Variants in SOX5 observed in about 807,000 individuals in gnomAD.
The protein encoded by SOX5 is SRY-box transcription factor 5.
Under a neutral mutation model 92.0 loss-of-function variants are expected in SOX5, and 9 were observed. The ratio of observed to expected loss-of-function variants is 0.10; its 90% CI spans 0.06 to 0.17. The LOEUF (loss-of-function observed/expected upper bound fraction) is 0.17. Ranked by LOEUF, SOX5 falls within the 10% of genes least tolerant of loss-of-function variation. The pLI, the probability that SOX5 is intolerant of heterozygous loss-of-function variation, is 1.00. For missense variants in SOX5, 642 were observed against 944.5 expected (o/e 0.68, Z 4.20); for synonymous variants, 344 against 336.3 (o/e 1.02, Z -0.25).
At chr12:24,006,175 C>T (rs977804077) in intron 4 of SOX5, among the ~76,000 whole-genome samples, 1 of 152,062 alleles carries the variant, frequency 6.6e-6, no homozygotes, top group Admixed American at 6.6e-5. Context: ...CTCTTATGCA[C>T]ATAAAGAAGG....
At chr12:24,209,645 T>C (rs1958379520) in intron 4 of SOX5, among the ~76,000 whole-genome samples, 1 of 152,160 alleles carries the variant, frequency 6.6e-6, no homozygotes, top group South Asian at 2.1e-4. Flanking sequence ...AGATTGCTAG[T>C]AGAAGGCACT....
intron 2 of SOX5, among the ~76,000 whole-genome samples, chr12:24,337,628 C>A (rs1413865905): frequency 6.6e-6 from 1 of 152,170 alleles, no homozygotes; most frequent in East Asian, 1.9e-4. Flanking sequence ...GCATGAGTCA[C>A]CACACACTCG....
chr12:24,492,151 C>T (rs889365603), intron 1 of SOX5, among the ~76,000 whole-genome samples: 11 of 152,216 alleles, frequency 7.2e-5, no homozygotes, highest in South Asian at 4.1e-4. Context: ...CCTTCATATT[C>T]GCCTGTTAGC....
At chr12:24,361,694 G>A (rs1195023970) in intron 2 of SOX5, among the ~76,000 whole-genome samples, 1 of 152,062 alleles carries the variant, frequency 6.6e-6, no homozygotes, top group Admixed American at 6.6e-5. Flanking sequence ...TACAGGTCTT[G>A]CATTTAAATT....
intron 6 of SOX5, among the ~76,000 whole-genome samples, chr12:23,712,313 G>A (rs536247781): frequency 6.6e-6 from 1 of 152,306 alleles, no homozygotes; most frequent in East Asian, 1.9e-4. Flanking sequence ...AAGAGTAATG[G>A]AAAACATGTA....
At chr12:24,540,188 T>C (rs188485874) in intron 1 of SOX5, among the ~76,000 whole-genome samples, 23 of 152,274 alleles carry the variant, frequency 1.5e-4, no homozygotes, top group Admixed American at 4.6e-4. Flanking sequence ...GGATTAGCAT[T>C]GTAGTTACTT....
At chr12:23,814,617 G>A (rs138435736) in intron 3 of SOX5, among the ~76,000 whole-genome samples, 7 of 152,286 alleles carry the variant, frequency 4.6e-5, no homozygotes, top group Non-Finnish European at 8.8e-5. Context: ...ATTACTGGAA[G>A]CATTTTTTGT....
chr12:23,865,601 G>A (rs2096802498), intron 2 of SOX5, among the ~76,000 whole-genome samples: 1 of 151,004 alleles, frequency 6.6e-6, no homozygotes, highest in African/African-American at 2.4e-5. Context: ...CTTGAACCCG[G>A]GAGGCGGAGG....
chr12:24,391,452 A>G (rs1596221858), intron 1 of SOX5, among the ~76,000 whole-genome samples: 1 of 152,162 alleles, frequency 6.6e-6, no homozygotes, highest in African/African-American at 2.4e-5. Flanking sequence ...AACTTCTTTC[A>G]TAGAAGTTCT....
intron 7 of SOX5, among the ~76,000 whole-genome samples, chr12:23,647,562 T>C (rs1378390656): frequency 2.0e-5 from 3 of 152,240 alleles, no homozygotes; most frequent in Admixed American, 6.5e-5. Context: ...CTGTTTTATC[T>C]ACACTGAAAA....
chr12:23,779,877 CTAA>C (rs1380935982), intron 3 of SOX5, among the ~76,000 whole-genome samples: 1 of 141,776 alleles, frequency 7.1e-6, no homozygotes. Context: ...GCATACATGA[CTAA>C]TAACCTAATG....
At chr12:23,692,007 T>C (rs916029039) in intron 6 of SOX5, among the ~76,000 whole-genome samples, 30 of 152,204 alleles carry the variant, frequency 2.0e-4, no homozygotes, top group Non-Finnish European at 8.8e-5. Context: ...TTGATATTAA[T>C]AGAAAGTACT....
intron 6 of SOX5, among the ~76,000 whole-genome samples, chr12:23,715,238 G>T (rs969825789): frequency 1.3e-5 from 2 of 151,698 alleles, no homozygotes; most frequent in East Asian, 3.9e-4. Context: ...GGCGAAGCTT[G>T]CAGTGAGCCG....
At chr12:24,437,583 T>C (rs900709386) in intron 1 of SOX5, among the ~76,000 whole-genome samples, 4 of 152,070 alleles carry the variant, frequency 2.6e-5, no homozygotes, top group Non-Finnish European at 5.9e-5. Flanking sequence ...CTTAAACAAA[T>C]TTACAAGAAA....
At chr12:24,208,516 G>A (rs578045961) in intron 4 of SOX5, among the ~76,000 whole-genome samples, 1 of 152,304 alleles carries the variant, frequency 6.6e-6, no homozygotes, top group East Asian at 1.9e-4. Flanking sequence ...TCTTCCCACT[G>A]TCCAACATCT....
chr12:24,455,468 TGAGA>T (rs1444442083), intron 1 of SOX5, among the ~76,000 whole-genome samples: 1 of 152,214 alleles, frequency 6.6e-6, no homozygotes, highest in Non-Finnish European at 1.5e-5. Flanking sequence ...GAGATGTGTA[TGAGA>T]GAGATCCCTT....
At chr12:23,801,107 T>C (rs1486165316) in intron 3 of SOX5, among the ~76,000 whole-genome samples, 1 of 152,184 alleles carries the variant, frequency 6.6e-6, no homozygotes, top group Non-Finnish European at 1.5e-5. Context: ...TAGGAAGTCT[T>C]GTTACTTGTC....
At chr12:24,059,340 C>T (rs1007396700) in intron 4 of SOX5, among the ~76,000 whole-genome samples, 1 of 152,130 alleles carries the variant, frequency 6.6e-6, no homozygotes, top group East Asian at 1.9e-4. Context: ...AGAGTGGTAC[C>T]TGCTAAATAG....
intron 4 of SOX5, among the ~76,000 whole-genome samples, chr12:24,139,376 G>A (rs1950371529): frequency 6.6e-6 from 1 of 152,108 alleles, no homozygotes; most frequent in African/African-American, 2.4e-5. Flanking sequence ...CATACAAGAA[G>A]CCCATTACTG....
Sources: allele counts gnomAD v4.1 joint callset (sites outside exome capture counted in the v4.1 genomes callset), GRCh38; gene constraint gnomAD v4.1.1; transcripts MANE v1.5; gene names NCBI Gene and HGNC (gene_info 2026-07-23, HGNC 2026-07-21).